The following PRKN variants were observed in gnomAD, a reference collection of about 807,000 sequenced individuals.
PRKN encodes the protein E3 ubiquitin-protein ligase parkin.
In PRKN, 56 loss-of-function variants were observed where a neutral mutation model predicts 59.5. The ratio of observed to expected loss-of-function variants is 0.94; its 90% confidence interval spans 0.76 to 1.18. The LOEUF (loss-of-function observed/expected upper bound fraction) is 1.18, where lower values mean the gene tolerates loss of function less well. Among genes scored for constraint, PRKN ranks in the 50% most tolerant of loss-of-function variants. The probability of loss-of-function intolerance (pLI) is 0.00; values close to 1 mark genes in which losing one functional copy is unlikely to be tolerated. For synonymous variants in PRKN, 250 were observed against 222.1 expected (o/e 1.13, Z -1.12); for missense variants, 657 against 596.4 (o/e 1.10, Z -1.06).
intron 7 of PRKN, among the ~76,000 whole-genome samples, chr6:161,599,399 G>A (rs1475771056): frequency 1.6e-4 from 24 of 152,208 alleles, no homozygotes; most frequent in Admixed American, 1.4e-3. Context: ...AGAAGGATCT[G>A]AGAAGACCAT....
rs561902469 is a variant in PRKN at position 161,872,137 on chromosome 6, C to T, written c.735-86229G>A. Among the ~76,000 whole-genome samples, 45 of 152,046 alleles carry T rather than the reference C, an allele frequency of 3.0e-4. 1 individual carries two copies. Among genetic ancestry groups the T allele is most frequent in the Admixed American group, 2.7e-3 (41 of 15,256 alleles). On this transcript the variant is annotated intron_variant, in intron 6 of 11. Coordinates refer to ENST00000366898, the MANE Select transcript of PRKN (RefSeq NM_004562.3). ...GAGAGAATAAATAGACAAACAAGTG[C>T]GATAAGATGCTATGGAAGGGTAAGT...
At position 162,551,234 on chromosome 6, in the gene PRKN, A is replaced by G. The variant is rs143871522; in HGVS notation, c.8-107761T>C. 3.6e-3 allele frequency among the ~76,000 whole-genome samples: 549 copies of G among 152,264 alleles called. 4 individuals are homozygous for G. The highest frequency in any genetic ancestry group is 0.014 in the Middle Eastern group (4 of 294). On this transcript the variant is annotated intron_variant, in intron 1 of 11. Transcript: ENST00000366898. Reference sequence around the variant, plus strand: ...ACTTGGGCATACAAATCCCAAAACTATGTACTAATTCCACCAGGTATAAAT... The same window carrying G: ...ACTTGGGCATACAAATCCCAAAACTGTGTACTAATTCCACCAGGTATAAAT...
intron 1 of PRKN, among the ~76,000 whole-genome samples, chr6:162,503,994 C>T (rs1241571844): frequency 3.3e-5 from 5 of 152,156 alleles, no homozygotes; most frequent in Admixed American, 2.0e-4. Flanking sequence ...TTCTTGGCAA[C>T]ACAGCTGACT....
chr6:161,513,841 G>A (rs1321961415), intron 9 of PRKN, among the ~76,000 whole-genome samples: 1 of 152,048 alleles, frequency 6.6e-6, no homozygotes, highest in Non-Finnish European at 1.5e-5. Flanking sequence ...GCTATCTTGG[G>A]GAAATTATTT....
chr6:161,455,657 A>AGACC (rs1210537062), intron 9 of PRKN, among the ~76,000 whole-genome samples: 1 of 151,988 alleles, frequency 6.6e-6, no homozygotes, highest in Non-Finnish European at 1.5e-5. Context: ...CAAGGTCAGG[A>AGACC]GACCGAGACC....
At chr6:161,577,252 G>A (rs899432638) in intron 7 of PRKN, among the ~76,000 whole-genome samples, 3 of 152,268 alleles carry the variant, frequency 2.0e-5, no homozygotes, top group Non-Finnish European at 2.9e-5. Flanking sequence ...TAAAGATGGC[G>A]AAATCGAGGC....
intron 5 of PRKN, among the ~76,000 whole-genome samples, chr6:162,034,405 A>G (rs922014097): frequency 2.6e-5 from 4 of 152,128 alleles, no homozygotes; most frequent in African/African-American, 9.7e-5. Flanking sequence ...TTCTTGCTCC[A>G]ATGCCTTTAA....
intron 7 of PRKN, among the ~76,000 whole-genome samples, chr6:161,692,052 C>T (rs1583013089): frequency 6.6e-6 from 1 of 151,084 alleles, no homozygotes. Context: ...TGTTTTGCCT[C>T]TCTCTCCATG....
intron 6 of PRKN, among the ~76,000 whole-genome samples, chr6:161,936,788 A>G (rs796245054): frequency 2.2e-5 from 3 of 139,192 alleles, no homozygotes; most frequent in South Asian, 2.3e-4. Flanking sequence ...TTTGTTTCAT[A>G]TTTTTTTTTT....
chr6:161,470,226 T>G lies in PRKN; in HGVS notation c.1083+78628A>C, dbSNP rs1790717738. Among the ~76,000 whole-genome samples, 1 of 152,216 alleles carries G rather than the reference T, an allele frequency of 6.6e-6. No individual in the cohort carries two copies. The highest frequency in any genetic ancestry group is 2.4e-5 in the African/African-American group (1 of 41,456). On this transcript the variant is annotated intron_variant, in intron 9 of 11. Transcript: ENST00000366898. The surrounding 1 kb of genome is among the most constrained non-coding windows in gnomAD (Gnocchi z 5.1). Reference sequence around the variant, plus strand: ...GTGTACAGTCTATGCCACATAATTTTTGTGTTTGATTATATGCTTTAGTTA... The same window carrying G: ...GTGTACAGTCTATGCCACATAATTTGTGTGTTTGATTATATGCTTTAGTTA...
chr6:161,919,909 G>C (rs1778714136), intron 6 of PRKN, among the ~76,000 whole-genome samples: 1 of 152,192 alleles, frequency 6.6e-6, no homozygotes, highest in Admixed American at 6.5e-5. Context: ...TTTAATTACT[G>C]TCATGAGTCG....
intron 3 of PRKN, among the ~76,000 whole-genome samples, chr6:162,216,390 C>T (rs1416536843): frequency 6.6e-6 from 1 of 151,054 alleles, no homozygotes; most frequent in Non-Finnish European, 1.5e-5. Flanking sequence ...ATTAGCCGGG[C>T]GCGGTGGCGG....
chr6:161,559,314 T>C (rs1780366107), intron 8 of PRKN, among the ~76,000 whole-genome samples: 2 of 152,142 alleles, frequency 1.3e-5, no homozygotes, highest in South Asian at 4.1e-4. Flanking sequence ...CAAAGGCTGT[T>C]TTCCTCACAA....
At chr6:162,344,337 A>G (rs199903457) in intron 2 of PRKN, among the ~76,000 whole-genome samples, 2 of 78,782 alleles carry the variant, frequency 2.5e-5, no homozygotes, top group Non-Finnish European at 6.1e-5. Context: ...CCTTCCTTTT[A>G]TAAGTCAATT....
At chr6:161,841,126 G>A (rs1384028614) in intron 6 of PRKN, among the ~76,000 whole-genome samples, 1 of 152,144 alleles carries the variant, frequency 6.6e-6, no homozygotes, top group Non-Finnish European at 1.5e-5. Context: ...TATGTTTGTT[G>A]CAACAGTATT....
intron 9 of PRKN, among the ~76,000 whole-genome samples, chr6:161,511,094 T>C (rs972446277): frequency 2.0e-5 from 3 of 152,184 alleles, no homozygotes; most frequent in African/African-American, 7.2e-5. Flanking sequence ...ATCTTAAAAT[T>C]TGATAAGACA....
intron 2 of PRKN, among the ~76,000 whole-genome samples, chr6:162,270,538 A>G (rs1403905157): frequency 2.0e-5 from 3 of 152,188 alleles, no homozygotes; most frequent in Non-Finnish European, 2.9e-5. Flanking sequence ...GAAGGCTGTC[A>G]AACTTTCTAA....
intron 6 of PRKN, among the ~76,000 whole-genome samples, chr6:161,843,896 C>T (rs1012143929): frequency 1.6e-4 from 24 of 152,132 alleles, no homozygotes; most frequent in African/African-American, 5.8e-4. Context: ...GAATCTCCCT[C>T]CCCTCCCTAG....
intron 2 of PRKN, among the ~76,000 whole-genome samples, chr6:162,324,208 T>C (rs1479672164): frequency 2.0e-5 from 3 of 152,108 alleles, no homozygotes; most frequent in African/African-American, 7.2e-5. Flanking sequence ...TATTATTCCA[T>C]GTAAGTACAT....
Sources: allele counts gnomAD v4.1 joint callset (sites outside exome capture counted in the v4.1 genomes callset), GRCh38; gene constraint gnomAD v4.1.1; non-coding constraint Gnocchi (gnomAD v3.1); transcripts MANE v1.5; gene names NCBI Gene and HGNC (gene_info 2026-07-23, HGNC 2026-07-21).